RAB2A: variants seen among roughly 807,000 people sequenced by gnomAD.
RAB2A encodes ras-related protein Rab-2A.
RAB2A carries 7 observed loss-of-function variants against 32.5 expected under a neutral mutation model. That is an observed-to-expected ratio of 0.22 (90% CI 0.12 to 0.40). The LOEUF is 0.40. RAB2A is among the 10% of genes least tolerant of loss of function. The pLI, the probability that RAB2A is intolerant of heterozygous loss-of-function variation, is 1.00. For missense variants in RAB2A, 108 were observed against 260.7 expected (o/e 0.41, Z 4.03); for synonymous variants, 79 against 85.2 (o/e 0.93, Z 0.40).
chr8:60,556,641 TAAAAAAAAAA>T (rs11393857), intron 1 of RAB2A, among the ~76,000 whole-genome samples: 2 of 106,592 alleles, frequency 1.9e-5, no homozygotes, highest in Non-Finnish European at 4.1e-5. Context: ...CTCTTTTTAA[TAAAAAAAAAA>T]AAAAAAAAAA....
chr8:60,547,728 ACGGGGCGGCTGGC>A, intron 1 of RAB2A, among the ~76,000 whole-genome samples: 1 of 91,442 alleles, frequency 1.1e-5, no homozygotes, highest in South Asian at 4.4e-4. Flanking sequence ...TCCCTCCCGG[ACGGGGCGGCTGGC>A]CAGGCAGAGT....
chr8:60,590,258 C>T (rs1208413956), intron 5 of RAB2A, among the ~76,000 whole-genome samples: 2 of 151,786 alleles, frequency 1.3e-5, no homozygotes, highest in African/African-American at 4.8e-5. Flanking sequence ...CCGCACCCGG[C>T]CTATTGTTTC....
At chr8:60,517,556 G>A (rs1807227043) in intron 1 of RAB2A, among the ~76,000 whole-genome samples, 1 of 152,108 alleles carries the variant, frequency 6.6e-6, no homozygotes, top group Non-Finnish European at 1.5e-5. Flanking sequence ...GGGCCGCCGG[G>A]GCCCGACTCA....
intron 6 of RAB2A, among the ~76,000 whole-genome samples, chr8:60,602,184 C>G (rs1804145421): frequency 6.6e-6 from 1 of 152,078 alleles, no homozygotes. Flanking sequence ...GGGCAGCCTG[C>G]TCTTAAAAAT....
At chr8:60,585,721 C>T (rs1803835363) in intron 5 of RAB2A, among the ~76,000 whole-genome samples, 1 of 152,122 alleles carries the variant, frequency 6.6e-6, no homozygotes, top group African/African-American at 2.4e-5. Flanking sequence ...ACTTTTATCT[C>T]ATTAATTAAC....
chr8:60,618,068 G>A (rs1344330029), intron 6 of RAB2A, among the ~76,000 whole-genome samples: 1 of 152,092 alleles, frequency 6.6e-6, no homozygotes. Context: ...TCCTTTTTAT[G>A]GCCAAATAAT....
chr8:60,620,344 G>C (rs1187518151), intron 7 of RAB2A, among the ~76,000 whole-genome samples: 1 of 151,908 alleles, frequency 6.6e-6, no homozygotes, highest in Non-Finnish European at 1.5e-5. Context: ...CATGGGCTTT[G>C]GGTATTTTTA....
chr8:60,522,184 C>G (rs1472881876), intron 1 of RAB2A, among the ~76,000 whole-genome samples: 6 of 152,186 alleles, frequency 3.9e-5, no homozygotes, highest in African/African-American at 1.2e-4. Flanking sequence ...GTCATGGAAT[C>G]TGCAGAGAAG....
At chr8:60,619,314 T>A (rs948480069) in intron 7 of RAB2A, among the ~76,000 whole-genome samples, 6 of 152,202 alleles carry the variant, frequency 3.9e-5, no homozygotes, top group African/African-American at 1.4e-4. Context: ...CTGTATTTAT[T>A]TCAAAATGTT....
chr8:60,527,740 T>C (rs1332466928), intron 1 of RAB2A, among the ~76,000 whole-genome samples: 1 of 152,254 alleles, frequency 6.6e-6, no homozygotes, highest in East Asian at 1.9e-4. Flanking sequence ...CCATTATTTT[T>C]TTTTTGAAGT....
chr8:60,622,555 C>A lies in RAB2A; in HGVS notation c.*1786C>A, dbSNP rs958699870. 1 of 152,170 alleles carries A rather than the reference C, an allele frequency of 6.6e-6. No individual in the cohort carries two copies. Among genetic ancestry groups the A allele is most frequent in the African/African-American group, 2.4e-5 (1 of 41,432 alleles). 9.4% of individuals were successfully genotyped at this position (152,170 alleles called of 1,614,324 possible). On this transcript the variant is annotated 3_prime_UTR_variant, in exon 8 of 8. Coordinates refer to ENST00000262646, the MANE Select transcript of RAB2A (RefSeq NM_002865.3). ...GTACAAAAAGTTAAGGCAACTAGGA[C>A]AGGTACTGCTCTATACCAAGAAGAG...
chr8:60,585,743 A>C (rs191099786), intron 5 of RAB2A, among the ~76,000 whole-genome samples: 6 of 152,332 alleles, frequency 3.9e-5, no homozygotes, highest in Admixed American at 3.3e-4. Context: ...AGATAAGGAA[A>C]CTGGTAAGAT....
intron 1 of RAB2A, among the ~76,000 whole-genome samples, chr8:60,526,968 CA>C (rs34685368): frequency 0.49 from 45,138 of 91,484 alleles, 7,122 homozygotes; most frequent in Middle Eastern, 0.61. Context: ...GACTCCATCT[CA>C]AAAAAAAAAA....
rs1194917406 is a variant in RAB2A at position 60,531,979 on chromosome 8, A to G, written c.46+14726A>G. Among the ~76,000 whole-genome samples the G allele has an allele frequency of 2.6e-5, 4 of 151,822 alleles. No individual in the cohort carries two copies. The East Asian group carries it at 7.8e-4, about 29-fold the overall frequency. The stretch of plus-strand genomic sequence containing the variant: ...TGCCACGCCCAACTAATTTTTTTGT[A>G]TTTTTAGTAGAGACAGGGTTTCACC... On this transcript the variant is annotated intron_variant, in intron 1 of 7. Transcript: ENST00000262646.
chr8:60,584,400 A>AGTAG, intron 4 of RAB2A, 110 bp downstream of exon 4: 1 of 850,712 alleles, frequency 1.2e-6, no homozygotes, highest in South Asian at 1.6e-5. Context: ...CCGGCTACTC[A>AGTAG]CCTTTAAAAC....
rs892871473 is a variant in RAB2A at position 60,621,732 on chromosome 8, A to G, written c.*963A>G. 2.0e-5 allele frequency: 3 copies of G among 152,152 alleles called. No individual in the cohort carries two copies. Among genetic ancestry groups the G allele is most frequent in the African/African-American group, 4.8e-5 (2 of 41,454 alleles). The allele number at this position is 152,152 out of a possible 1,614,324, so 9.4% of individuals were successfully genotyped here. ...CACATGATTTCTAAGTATATTTTTC[A>G]TGCAGGACAGTTTTTCAACCTTGAT... is the stretch of plus-strand genomic sequence containing the variant. On this transcript the variant is annotated 3_prime_UTR_variant, in exon 8 of 8. Transcript: ENST00000262646.
intron 5 of RAB2A, among the ~76,000 whole-genome samples, chr8:60,589,005 C>T (rs1390723988): frequency 2.0e-5 from 3 of 152,168 alleles, no homozygotes; most frequent in African/African-American, 7.2e-5. Context: ...TTCTTTTCCA[C>T]ATTTAAATCA....
At chr8:60,517,926 G>T (rs2130801319) in intron 1 of RAB2A, among the ~76,000 whole-genome samples, 1 of 152,264 alleles carries the variant, frequency 6.6e-6, no homozygotes, top group Middle Eastern at 3.4e-3. Flanking sequence ...GAGTTCTGTG[G>T]ACTTTTGCCA....
intron 1 of RAB2A, among the ~76,000 whole-genome samples, chr8:60,538,549 G>A (rs1439599902): frequency 1.3e-5 from 2 of 152,212 alleles, no homozygotes; most frequent in African/African-American, 4.8e-5. Context: ...GAGCATGGAA[G>A]GAAGGACAGA....
Sources: gnomAD v4.1 joint callset for allele counts (sites outside exome capture counted in the v4.1 genomes callset) on GRCh38, gnomAD v4.1.1 for gene constraint, MANE v1.5 for transcripts, NCBI Gene and HGNC (gene_info 2026-07-23, HGNC 2026-07-21) for gene names.